Variants in TMEM132D observed in about 807,000 individuals in gnomAD.
TMEM132D encodes mature OL transmembrane protein.
Under a neutral mutation model 62.3 loss-of-function variants are expected in TMEM132D, and 21 were observed. That is an observed-to-expected ratio of 0.34 (90% CI 0.24 to 0.49). The LOEUF is 0.49. Ranked by LOEUF, TMEM132D falls within the 20% of genes least tolerant of loss-of-function variation. The pLI, the probability that TMEM132D is intolerant of heterozygous loss-of-function variation, is 0.99. For synonymous variants in TMEM132D, 621 were observed against 575.6 expected (o/e 1.08, Z -1.13); for missense variants, 1,346 against 1,402.8 (o/e 0.96, Z 0.65).
At chr12:129,466,303 T>G (rs1248989188) in intron 3 of TMEM132D, among the ~76,000 whole-genome samples, 5 of 120,020 alleles carry the variant, frequency 4.2e-5, no homozygotes, top group African/African-American at 1.4e-4. Context: ...TTTTTTTTTT[T>G]TTTTTTTTTT....
chr12:129,176,937 A>G (rs1205981377), intron 5 of TMEM132D, among the ~76,000 whole-genome samples: 1 of 152,198 alleles, frequency 6.6e-6, no homozygotes, highest in East Asian at 1.9e-4. Flanking sequence ...TGTTGAGCAT[A>G]TTGGAAGGGA....
intron 1 of TMEM132D, among the ~76,000 whole-genome samples, chr12:129,704,372 G>A (rs1184585591): frequency 6.6e-6 from 1 of 152,192 alleles, no homozygotes; most frequent in African/African-American, 2.4e-5. Context: ...CCCAATGCTG[G>A]GAGGCAACCA....
chr12:129,253,301 C>A (rs985361994), intron 4 of TMEM132D, among the ~76,000 whole-genome samples: 2 of 151,734 alleles, frequency 1.3e-5, no homozygotes, highest in Non-Finnish European at 2.9e-5. Context: ...AGCCTTGAAT[C>A]ATGTGGCCAA....
At chr12:129,736,812 C>G (rs977598257) in intron 1 of TMEM132D, among the ~76,000 whole-genome samples, 2 of 137,996 alleles carry the variant, frequency 1.4e-5, no homozygotes, top group African/African-American at 5.6e-5. Flanking sequence ...TATGATGGTG[C>G]CTTTTTTTTT....
intron 2 of TMEM132D, among the ~76,000 whole-genome samples, chr12:129,661,493 C>G (rs986682563): frequency 6.6e-6 from 1 of 152,170 alleles, no homozygotes; most frequent in Admixed American, 6.5e-5. Flanking sequence ...GTCCCTGCAG[C>G]CCCATCAGAA....
chr12:129,508,304 A>G (rs1875400249), intron 3 of TMEM132D, among the ~76,000 whole-genome samples: 1 of 152,230 alleles, frequency 6.6e-6, no homozygotes, highest in Non-Finnish European at 1.5e-5. Context: ...TCTTATTAAA[A>G]AAGAAACTGG....
At chr12:129,352,636 T>C (rs1021278325) in intron 3 of TMEM132D, among the ~76,000 whole-genome samples, 2 of 152,198 alleles carry the variant, frequency 1.3e-5, no homozygotes, top group African/African-American at 4.8e-5. Context: ...AAGACATTTA[T>C]GTGGTCAACA....
At chr12:129,479,248 G>A (rs930636505) in intron 3 of TMEM132D, among the ~76,000 whole-genome samples, 10 of 152,160 alleles carry the variant, frequency 6.6e-5, no homozygotes, top group South Asian at 4.1e-4. Flanking sequence ...TTTTCATTAA[G>A]GGGAGTAGAA....
chr12:129,668,496 G>A (rs10773694), intron 2 of TMEM132D, among the ~76,000 whole-genome samples: 114,972 of 151,378 alleles, frequency 0.76, 44,099 homozygotes, highest in East Asian at 0.86. Context: ...TAAAAATTGT[G>A]CCATTGGAAT....
At chr12:129,256,513 C>T (rs1352058159) in intron 4 of TMEM132D, among the ~76,000 whole-genome samples, 1 of 151,972 alleles carries the variant, frequency 6.6e-6, no homozygotes, top group East Asian at 1.9e-4. Flanking sequence ...CTCCGCCTCC[C>T]AGCATTCAAG....
At chr12:129,814,066 G>A (rs1305261447) in intron 1 of TMEM132D, among the ~76,000 whole-genome samples, 3 of 152,100 alleles carry the variant, frequency 2.0e-5, no homozygotes, top group African/African-American at 4.8e-5. Flanking sequence ...CAACATGGAC[G>A]GAACTGGTCC....
chr12:129,599,882 AT>A (rs964671096), intron 2 of TMEM132D, among the ~76,000 whole-genome samples: 4 of 152,000 alleles, frequency 2.6e-5, no homozygotes, highest in Non-Finnish European at 5.9e-5. Flanking sequence ...TCAAGACCTA[AT>A]TTTTTTTGCT....
intron 3 of TMEM132D, among the ~76,000 whole-genome samples, chr12:129,426,248 C>G (rs143668775): frequency 1.3e-5 from 2 of 152,258 alleles, no homozygotes; most frequent in East Asian, 1.9e-4. Flanking sequence ...TCTCCCTCCC[C>G]CTGCCAATAT....
At chr12:129,448,337 A>G (rs1197979931) in intron 3 of TMEM132D, among the ~76,000 whole-genome samples, 2 of 152,162 alleles carry the variant, frequency 1.3e-5, no homozygotes, top group East Asian at 3.9e-4. Context: ...TAAGCCTAGT[A>G]CCCACTAGTT....
intron 5 of TMEM132D, among the ~76,000 whole-genome samples, chr12:129,127,963 G>C (rs1329055668): frequency 6.6e-6 from 1 of 152,192 alleles, no homozygotes; most frequent in Non-Finnish European, 1.5e-5. Flanking sequence ...GGGTGCCTGG[G>C]GGAAGCTGCC....
At chr12:129,588,557 CTTATTT>C (rs1472999665) in intron 2 of TMEM132D, among the ~76,000 whole-genome samples, 1 of 151,574 alleles carries the variant, frequency 6.6e-6, no homozygotes, top group Non-Finnish European at 1.5e-5. Context: ...GGGTTTTTTC[CTTATTT>C]TTATTTATTT....
At chr12:129,246,984 C>T (rs1880137924) in intron 4 of TMEM132D, among the ~76,000 whole-genome samples, 1 of 152,048 alleles carries the variant, frequency 6.6e-6, no homozygotes, top group Admixed American at 6.6e-5. Context: ...ATTTTCTGTT[C>T]ATTAAGCTGG....
chr12:129,140,205 G>A (rs1876697995), intron 5 of TMEM132D, among the ~76,000 whole-genome samples: 2 of 107,626 alleles, frequency 1.9e-5, no homozygotes, highest in Admixed American at 1.0e-4. Flanking sequence ...GAGATTTTAG[G>A]CGCTGTTACC....
At chr12:129,464,192 T>C (rs1224689245) in intron 3 of TMEM132D, among the ~76,000 whole-genome samples, 7 of 151,756 alleles carry the variant, frequency 4.6e-5, no homozygotes, top group African/African-American at 1.5e-4. Context: ...TGGTATCTCA[T>C]TGTGGTTTTG....
Sources: gnomAD v4.1 joint callset for allele counts (sites outside exome capture counted in the v4.1 genomes callset) on GRCh38, gnomAD v4.1.1 for gene constraint, MANE v1.5 for transcripts, NCBI Gene and HGNC (gene_info 2026-07-23, HGNC 2026-07-21) for gene names.